PTPRA: variants seen among roughly 807,000 people sequenced by gnomAD.
PTPRA encodes the protein receptor-type tyrosine-protein phosphatase alpha.
Under a neutral mutation model 104.8 loss-of-function variants are expected in PTPRA, and 25 were observed. The observed-to-expected ratio is 0.24, with a 90% CI of 0.17 to 0.33. The LOEUF is 0.33. Among genes scored for constraint, PTPRA ranks in the 10% least tolerant of loss-of-function variants. The probability of loss-of-function intolerance (pLI) is 1.00; values close to 1 mark genes in which losing one functional copy is unlikely to be tolerated. For synonymous variants in PTPRA, 323 were observed against 368.9 expected (o/e 0.88, Z 1.43); for missense variants, 765 against 1,015.3 (o/e 0.75, Z 3.35).
chr20:3,032,497 G>A (rs534154730), intron 20 of PTPRA, among the ~76,000 whole-genome samples: 3 of 152,166 alleles, frequency 2.0e-5, no homozygotes, highest in Admixed American at 6.5e-5. Context: ...GCCGGGCGCG[G>A]TGGCTCACGC....
At position 3,037,387 on chromosome 20, in the gene PTPRA, CTG is replaced by C; in HGVS notation, c.2334+100_2334+101del. On this transcript the variant is annotated intron_variant, in intron 23 of 23. Coordinates refer to ENST00000399903, the MANE Select transcript of PTPRA (RefSeq NM_001385305.1). The surrounding 1 kb of genome is among the most constrained non-coding windows in gnomAD (Gnocchi z 4.3). Reference sequence around the variant, plus strand: ...AGGGGCCCACCCAGTAGTCAGAAGACTGTCTAAACACAGACCTGCCCTTGCCC... The same window carrying C: ...AGGGGCCCACCCAGTAGTCAGAAGACTCTAAACACAGACCTGCCCTTGCCC... The C allele has an allele frequency of 3.9e-6, 6 of 1,541,360 alleles. No homozygotes were observed. The South Asian group carries it at 7.4e-5, about 19-fold the overall frequency.
chr20:2,890,865 G>A (rs943723359), intron 1 of PTPRA, among the ~76,000 whole-genome samples: 4 of 152,080 alleles, frequency 2.6e-5, no homozygotes, highest in Admixed American at 2.0e-4. Context: ...GATTCTACAC[G>A]TTCTTCCTGG....
chr20:2,946,709 G>A (rs921235887), intron 2 of PTPRA, among the ~76,000 whole-genome samples: 7 of 151,734 alleles, frequency 4.6e-5, no homozygotes, highest in Admixed American at 1.3e-4. Context: ...TTAGCCGGGC[G>A]TGGTGGCGCA....
chr20:2,885,481 A>C (rs1441864921), intron 1 of PTPRA, among the ~76,000 whole-genome samples: 2 of 152,228 alleles, frequency 1.3e-5, no homozygotes, highest in Non-Finnish European at 2.9e-5. Context: ...GAACTTTATA[A>C]TAAAGGGATC....
At position 2,988,403 on chromosome 20, in the gene PTPRA, G is replaced by T. The variant is rs373627310; in HGVS notation, c.667G>T (p.Val223Leu). The part of the protein sequence containing the change: ...STNRKYPPLP[V>L]DKLEEEINRR... ...CAACAGGAAATACCCACCCCTGCCC[G>T]TGGACAAGCTGGAAGAGGAAATTAA... Residue 223 changes from valine to leucine, a missense_variant, in exon 9 of 24, where the codon GTG (valine) becomes TTG (leucine). Coordinates refer to ENST00000399903, the MANE Select transcript of PTPRA (RefSeq NM_001385305.1). 1.2e-5 allele frequency: 20 copies of T among 1,612,878 alleles called. No homozygotes were observed. The African/African-American group carries it at 1.7e-4, about 14-fold the overall frequency.
chr20:2,899,862 T>C lies in PTPRA; in HGVS notation c.-128-23345T>C, dbSNP rs193257837. ...TGGCTCTTGCCTGTAATCCCAGCACTTTGGGAGGCCAAGGCAGGTAGATCA... is the reference window on the plus strand; with the variant it reads ...TGGCTCTTGCCTGTAATCCCAGCACCTTGGGAGGCCAAGGCAGGTAGATCA... On this transcript the variant is annotated intron_variant, in intron 1 of 23. Coordinates refer to ENST00000399903, the MANE Select transcript of PTPRA (RefSeq NM_001385305.1). 4.6e-5 allele frequency among the ~76,000 whole-genome samples: 7 copies of C among 152,254 alleles called. No homozygotes were observed. In the East Asian group the frequency reaches 1.4e-3, roughly 29 times the overall value.
At chr20:2,890,654 G>C (rs1216693201) in intron 1 of PTPRA, among the ~76,000 whole-genome samples, 2 of 152,096 alleles carry the variant, frequency 1.3e-5, no homozygotes, top group South Asian at 2.1e-4. Context: ...GGATGGGAGA[G>C]GGAAGAGAGA....
chr20:2,980,780 C>A (rs1462255244), intron 6 of PTPRA, among the ~76,000 whole-genome samples: 3 of 152,118 alleles, frequency 2.0e-5, no homozygotes, highest in African/African-American at 7.2e-5. Context: ...TATTCTGTTT[C>A]TTTTGTCACC....
intron 1 of PTPRA, among the ~76,000 whole-genome samples, chr20:2,878,767 A>C (rs2089891374): frequency 6.6e-6 from 1 of 152,202 alleles, no homozygotes; most frequent in Non-Finnish European, 1.5e-5. Context: ...TGCTATTACA[A>C]AGAAATGTAA....
At chr20:2,888,205 T>C (rs1434962108) in intron 1 of PTPRA, among the ~76,000 whole-genome samples, 1 of 152,194 alleles carries the variant, frequency 6.6e-6, no homozygotes, top group Admixed American at 6.5e-5. Flanking sequence ...GCAGCAGTTG[T>C]GAACCCCTAA....
intron 3 of PTPRA, among the ~76,000 whole-genome samples, chr20:2,963,450 C>T (rs1047104914): frequency 4.0e-5 from 6 of 151,876 alleles, no homozygotes; most frequent in African/African-American, 7.3e-5. Context: ...AAAAATTTGC[C>T]GGGCATGGTG....
intron 9 of PTPRA, among the ~76,000 whole-genome samples, chr20:3,003,462 T>G (rs1007650569): frequency 6.6e-6 from 1 of 152,152 alleles, no homozygotes; most frequent in Non-Finnish European, 1.5e-5. Flanking sequence ...TTTTGAAAAG[T>G]TTTTTTAAGG....
At chr20:2,911,755 A>G (rs2147239179) in intron 1 of PTPRA, among the ~76,000 whole-genome samples, 1 of 152,286 alleles carries the variant, frequency 6.6e-6, no homozygotes, top group South Asian at 2.1e-4. Context: ...TAACTATGTA[A>G]GAGCAGGGTG....
Position 3,022,878 on chromosome 20 carries a change from G to GC in PTPRA, c.1464+57dup. 6.2e-7 allele frequency: 1 copy of GC among 1,610,262 alleles called. No homozygotes were observed. Among genetic ancestry groups the GC allele is most frequent in the Non-Finnish European group, 8.5e-7 (1 of 1,178,016 alleles). ...GGGGGGTTCCAGGACTAAAACATCT[G>GC]CCCACATTGAGGATTCACTCAGTCT... On this transcript the variant is annotated intron_variant, in intron 16 of 23. Coordinates refer to ENST00000399903, the MANE Select transcript of PTPRA (RefSeq NM_001385305.1). This position sits in a 1 kb window ranked among gnomAD's most constrained non-coding sequence, Gnocchi z 4.6.
chr20:2,974,429 A>ATT (rs201543217), intron 5 of PTPRA, among the ~76,000 whole-genome samples: 1 of 137,566 alleles, frequency 7.3e-6, no homozygotes, highest in African/African-American at 2.6e-5. Flanking sequence ...TTTGGTTTTG[A>ATT]TTTTTTTTTT....
intron 9 of PTPRA, among the ~76,000 whole-genome samples, chr20:2,999,964 A>G (rs190916367): frequency 4.3e-4 from 65 of 152,318 alleles, no homozygotes; most frequent in African/African-American, 1.5e-3. Context: ...AGTATCCAGA[A>G]TATATAAAGA....
chr20:2,925,786 G>A (rs893324693), intron 2 of PTPRA, among the ~76,000 whole-genome samples: 1 of 152,130 alleles, frequency 6.6e-6, no homozygotes, highest in African/African-American at 2.4e-5. Flanking sequence ...CTGCACTCCA[G>A]CCTGGGTGAC....
intron 7 of PTPRA, among the ~76,000 whole-genome samples, chr20:2,987,686 G>T (rs1243127024): frequency 1.3e-5 from 2 of 152,156 alleles, no homozygotes; most frequent in African/African-American, 4.8e-5. Flanking sequence ...GAAATACCAA[G>T]ATTTTTGTTT....
intron 10 of PTPRA, 121 bp downstream of exon 10, chr20:3,005,267 G>A (rs753683461): frequency 1.1e-5 from 11 of 956,978 alleles, no homozygotes; most frequent in Admixed American, 6.2e-5. Flanking sequence ...GTGCGTTCAT[G>A]GCAGTACTCA....
Sources: gnomAD v4.1 joint callset for allele counts (sites outside exome capture counted in the v4.1 genomes callset) on GRCh38, gnomAD v4.1.1 for gene constraint, Gnocchi (gnomAD v3.1) non-coding constraint, MANE v1.5 for transcripts, NCBI Gene and HGNC (gene_info 2026-07-23, HGNC 2026-07-21) for gene names.